ZNF813: variants seen among roughly 807,000 people sequenced by gnomAD.
ZNF813 encodes zinc finger protein 813.
ZNF813 carries 3 observed loss-of-function variants against 7.2 expected under a neutral mutation model. The ratio of observed to expected loss-of-function variants is 0.42; its 90% confidence interval spans 0.19 to 1.08. The LOEUF (loss-of-function observed/expected upper bound fraction) is 1.08. Among genes scored for constraint, ZNF813 ranks in the 50% least tolerant of loss-of-function variants. The pLI, the probability that ZNF813 is intolerant of heterozygous loss-of-function variation, is 0.30. For missense variants in ZNF813, 714 were observed against 753.3 expected, an observed-to-expected ratio of 0.95 and a Z score of 0.61; for synonymous variants, 227 against 256.3, an observed-to-expected ratio of 0.89 and a Z score of 1.09.
In ZNF813 at chr19:53,496,133, T is replaced by C. The variant is rs998637113; in HGVS notation, c.*4047T>C. Reference sequence around the variant, plus strand: ...GAAAATGTCACCACTATCTGGAGTGTTGGAAATGTTTTATTGGGAATATGT... The same window carrying C: ...GAAAATGTCACCACTATCTGGAGTGCTGGAAATGTTTTATTGGGAATATGT... On this transcript the variant is annotated 3_prime_UTR_variant, in exon 4 of 4. Transcript: ENST00000396403. 1.7e-5 allele frequency: 4 copies of C among 231,652 alleles called. No homozygotes were observed. Among genetic ancestry groups the C allele is most frequent in the African/African-American group, 9.1e-5 (4 of 43,946 alleles). The allele number at this position is 231,652 out of a possible 1,614,324, so 14.3% of individuals were successfully genotyped here.
At chr19:53,468,026 C>A (rs1424321002) in intron 1 of ZNF813, among the ~76,000 whole-genome samples, 1 of 152,246 alleles carries the variant, frequency 6.6e-6, no homozygotes, top group Non-Finnish European at 1.5e-5. Context: ...CTTTCTATCG[C>A]GCATTTTTCC....
At chr19:53,476,260 C>G (rs2086381232) in intron 1 of ZNF813, among the ~76,000 whole-genome samples, 1 of 152,218 alleles carries the variant, frequency 6.6e-6, no homozygotes, top group South Asian at 2.1e-4. Flanking sequence ...AGAAGCTCAT[C>G]TGCATACTGC....
intron 1 of ZNF813, among the ~76,000 whole-genome samples, chr19:53,473,258 A>T (rs572020018): frequency 3.3e-4 from 51 of 152,286 alleles, no homozygotes; most frequent in African/African-American, 1.2e-3. Context: ...CTGTGCGTAG[A>T]CTAGTCAGCT....
chr19:53,470,547 G>A (rs1381277545), intron 1 of ZNF813, among the ~76,000 whole-genome samples: 1 of 128,730 alleles, frequency 7.8e-6, no homozygotes, highest in East Asian at 2.0e-4. Flanking sequence ...TGCTTCTATA[G>A]TTGATTGAAT....
chr19:53,491,731 G>T lies in ZNF813; in HGVS notation c.1499G>T (p.Cys500Phe). Residue 500 changes from cysteine (C) to phenylalanine (F), a missense_variant, in exon 4 of 4, where the codon TGT becomes TTT. Cys to Phe is a radical substitution (Grantham distance 205). Around this residue, in one of 3 missense-constraint regions of ZNF813, gnomAD observed 122 missense variants for 146.8 expected, o/e 0.83. Coordinates refer to ENST00000396403, the MANE Select transcript of ZNF813 (RefSeq NM_001004301.4). ...TGEKPYKCNE[C>F]GKGFNRKTHL... ...GAGAAACCTTACAAGTGTAATGAAT[G>T]TGGCAAGGGTTTTAATCGGAAAACA... The T allele has an allele frequency of 6.4e-7, 1 of 1,573,718 alleles. No individual in the cohort carries two copies.
chr19:53,471,944 A>G (rs2086361572), intron 1 of ZNF813, among the ~76,000 whole-genome samples: 1 of 152,176 alleles, frequency 6.6e-6, no homozygotes, highest in African/African-American at 2.4e-5. Flanking sequence ...CAAACATAAC[A>G]TGAGAAAATG....
At chr19:53,485,116 G>C (rs1301963510) in intron 2 of ZNF813, among the ~76,000 whole-genome samples, 1 of 152,058 alleles carries the variant, frequency 6.6e-6, no homozygotes, top group African/African-American at 2.4e-5. Context: ...AAAAAATTCT[G>C]CTGTAAATTA....
chr19:53,471,154 G>A lies in ZNF813; in HGVS notation c.-74+3365G>A, dbSNP rs182691745. On this transcript the variant is annotated intron_variant, in intron 1 of 3. Transcript: ENST00000396403. ...TTTATTGTAGACAGGATACCTTCAA[G>A]TTTCTCCCTGTTGCAGTGGGAGTGA... 2.2e-3 allele frequency among the ~76,000 whole-genome samples: 336 copies of A among 152,098 alleles called. 1 individual carries two copies. The highest frequency in any genetic ancestry group is 7.8e-3 in the African/African-American group (324 of 41,498).
intron 2 of ZNF813, 44 bp downstream of exon 2, chr19:53,483,881 A>T (rs1366750700): frequency 1.2e-6 from 2 of 1,613,898 alleles, no homozygotes; most frequent in Non-Finnish European, 8.5e-7. Context: ...CCTTCCCCTC[A>T]GAAATGCTGG....
At chr19:53,487,831 A>T (rs1346861507) in intron 3 of ZNF813, among the ~76,000 whole-genome samples, 1 of 151,934 alleles carries the variant, frequency 6.6e-6, no homozygotes, top group Non-Finnish European at 1.5e-5. Context: ...TAACCTGCAA[A>T]AACTTCTCTT....
Position 53,491,078 on chromosome 19 carries a change from G to T in ZNF813, c.846G>T (p.Gln282His), listed in dbSNP as rs2086458374. ...RCNECGKTFS[Q>H]TYSLTCHRRL... ...ATGAGTGTGGCAAGACTTTCAGTCA[G>T]ACGTATTCCCTTACATGCCATCGTA... is the stretch of plus-strand genomic sequence containing the variant. The change falls in exon 4 of 4, where the codon CAG (glutamine) becomes CAT (histidine). Residue 282 changes from glutamine to histidine, a missense_variant. Gln to His is a conservative substitution (Grantham distance 24). Transcript: ENST00000396403. 1 of 1,614,032 alleles carries T rather than the reference G, an allele frequency of 6.2e-7. No homozygotes were observed. The highest frequency in any genetic ancestry group is 8.5e-7 in the Non-Finnish European group (1 of 1,179,966).
At position 53,476,352 on chromosome 19, in the gene ZNF813, C is replaced by T. The variant is rs576108837; in HGVS notation, c.-73-7398C>T. Reference sequence around the variant, plus strand: ...TTCTCTAAAGATTGTGGGAGAGAACCGGGCATGGTGGCTCGCGCCTGTAAT... The same window carrying T: ...TTCTCTAAAGATTGTGGGAGAGAACTGGGCATGGTGGCTCGCGCCTGTAAT... On this transcript the variant is annotated intron_variant, in intron 1 of 3. Transcript: ENST00000396403. Among the ~76,000 whole-genome samples the T allele has an allele frequency of 4.0e-5, 6 of 151,782 alleles. No individual in the cohort carries two copies. In the South Asian group the frequency reaches 1.2e-3, roughly 32 times the overall value.
chr19:53,476,329 C>T (rs1283521857), intron 1 of ZNF813, among the ~76,000 whole-genome samples: 1 of 152,124 alleles, frequency 6.6e-6, no homozygotes, highest in Non-Finnish European at 1.5e-5. Flanking sequence ...GCCAATGTTT[C>T]TCTAAAGATT....
Position 53,469,931 on chromosome 19 carries a change from C to G in ZNF813, c.-74+2142C>G, listed in dbSNP as rs190000316. On this transcript the variant is annotated intron_variant, in intron 1 of 3. Coordinates refer to ENST00000396403, the MANE Select transcript of ZNF813 (RefSeq NM_001004301.4). Reference sequence around the variant, plus strand: ...GAAGGATGTTTACTTAAGGTACGCACCGGCTCAGTGGATTTACATCTAAAA... The same window carrying G: ...GAAGGATGTTTACTTAAGGTACGCAGCGGCTCAGTGGATTTACATCTAAAA... Among the ~76,000 whole-genome samples, 314 of 151,526 alleles carry G rather than the reference C, an allele frequency of 2.1e-3. 3 individuals carry two copies. Among genetic ancestry groups the G allele is most frequent in the African/African-American group, 6.3e-3 (261 of 41,320 alleles).
intron 1 of ZNF813, among the ~76,000 whole-genome samples, chr19:53,472,108 G>A (rs1208275540): frequency 1.3e-5 from 2 of 152,162 alleles, no homozygotes; most frequent in African/African-American, 4.8e-5. Context: ...CATATAGGTA[G>A]GTTTCTGGGT....
chr19:53,485,245 C>T (rs993539029), intron 2 of ZNF813, among the ~76,000 whole-genome samples: 4 of 152,150 alleles, frequency 2.6e-5, no homozygotes, highest in African/African-American at 9.7e-5. Context: ...TGGGGCATTT[C>T]CTGTTTTCTT....
At chr19:53,471,255 T>C (rs1021808163) in intron 1 of ZNF813, among the ~76,000 whole-genome samples, 22 of 152,276 alleles carry the variant, frequency 1.4e-4, no homozygotes, top group African/African-American at 5.1e-4. Flanking sequence ...AGGCCCTTGG[T>C]GCACAGATCT....
rs141364547 is a variant in ZNF813 at position 53,482,336 on chromosome 19, C to T, written c.-73-1414C>T. ...CGTCAGTCCCTGGCAGGGAACCCTCCACCAGCTTCCCGTGTTCCCCAGGAC... is the reference window on the plus strand; with the variant it reads ...CGTCAGTCCCTGGCAGGGAACCCTCTACCAGCTTCCCGTGTTCCCCAGGAC... On this transcript the variant is annotated intron_variant, in intron 1 of 3. Coordinates refer to ENST00000396403, the MANE Select transcript of ZNF813 (RefSeq NM_001004301.4). Among the ~76,000 whole-genome samples, 1,169 of 152,312 alleles carry T rather than the reference C, an allele frequency of 7.7e-3. 10 individuals are homozygous for T. Among genetic ancestry groups the T allele is most frequent in the African/African-American group, 0.027 (1,114 of 41,558 alleles).
chr19:53,470,642 A>G (rs1254395445), intron 1 of ZNF813, among the ~76,000 whole-genome samples: 1 of 135,668 alleles, frequency 7.4e-6, no homozygotes, highest in African/African-American at 2.9e-5. Context: ...AAGGTTTTGA[A>G]TCGACTGAAG....
Sources: allele counts gnomAD v4.1 joint callset (sites outside exome capture counted in the v4.1 genomes callset), GRCh38; gene constraint gnomAD v4.1.1; regional missense constraint gnomAD v4.1.1; transcripts MANE v1.5; gene names NCBI Gene and HGNC (gene_info 2026-07-23, HGNC 2026-07-21).